The following STXBP5L variants were observed in gnomAD, a reference collection of about 807,000 sequenced individuals.
The protein encoded by STXBP5L is syntaxin binding protein 5L.
Under a neutral mutation model 144.5 loss-of-function variants are expected in STXBP5L, and 65 were observed. That is an observed-to-expected ratio of 0.45 (90% CI 0.37 to 0.55). STXBP5L has a LOEUF of 0.55. Ranked by LOEUF, STXBP5L falls within the 20% of genes least tolerant of loss-of-function variation. The pLI is 0.00. For synonymous variants in STXBP5L, 505 were observed against 469.6 expected (o/e 1.08, Z -0.97); for missense variants, 1,298 against 1,405.5 (o/e 0.92, Z 1.22).
chr3:121,299,165 G>A (rs1425105773), intron 19 of STXBP5L, among the ~76,000 whole-genome samples: 1 of 152,016 alleles, frequency 6.6e-6, no homozygotes, highest in African/African-American at 2.4e-5. Flanking sequence ...TCAAAAGCAA[G>A]TTTCATGAAA....
chr3:121,064,996 T>TCTC (rs1432029890), intron 5 of STXBP5L, among the ~76,000 whole-genome samples: 2 of 152,214 alleles, frequency 1.3e-5, no homozygotes, highest in East Asian at 3.8e-4. Context: ...ACATATAGTA[T>TCTC]TGTTTTCTGT....
At chr3:121,240,571 A>T in intron 14 of STXBP5L, 64 bp downstream of exon 14, 1 of 1,457,946 alleles carries the variant, frequency 6.9e-7, no homozygotes. Context: ...GAGTCTTGAT[A>T]CTTTTCCATA....
intron 3 of STXBP5L, among the ~76,000 whole-genome samples, chr3:120,968,791 CAT>C (rs569550688): frequency 1.3e-3 from 202 of 152,216 alleles, no homozygotes; most frequent in Admixed American, 3.4e-3. Context: ...TCACTTAAAA[CAT>C]ATGATATTTG....
chr3:121,199,089 A>C (rs565974935), intron 9 of STXBP5L, among the ~76,000 whole-genome samples: 1 of 152,284 alleles, frequency 6.6e-6, no homozygotes, highest in African/African-American at 2.4e-5. Flanking sequence ...TGGCCATTTC[A>C]CAATATTGAT....
intron 2 of STXBP5L, among the ~76,000 whole-genome samples, chr3:120,950,483 GT>G (rs1711143450): frequency 6.6e-6 from 1 of 152,028 alleles, no homozygotes; most frequent in African/African-American, 2.4e-5. Context: ...TTTCAAGATT[GT>G]TTTGTTATTA....
intron 11 of STXBP5L, among the ~76,000 whole-genome samples, chr3:121,224,087 G>A (rs1036961723): frequency 1.2e-4 from 18 of 152,118 alleles, no homozygotes; most frequent in African/African-American, 4.3e-4. Context: ...AAGAGCACTG[G>A]ACTTGGGGAC....
At chr3:120,926,982 C>T (rs556811743) in intron 2 of STXBP5L, among the ~76,000 whole-genome samples, 1 of 148,184 alleles carries the variant, frequency 6.7e-6, no homozygotes, top group Admixed American at 6.8e-5. Flanking sequence ...GTCACCCAGA[C>T]TGGAGTGCAG....
chr3:121,385,098 C>A (rs909299530), intron 22 of STXBP5L, among the ~76,000 whole-genome samples: 1 of 152,044 alleles, frequency 6.6e-6, no homozygotes, highest in African/African-American at 2.4e-5. Flanking sequence ...AGTCAAGATT[C>A]TCCAGAATAA....
chr3:121,241,389 A>G (rs2049662573), intron 14 of STXBP5L, among the ~76,000 whole-genome samples: 1 of 147,312 alleles, frequency 6.8e-6, no homozygotes, highest in Non-Finnish European at 1.5e-5. Flanking sequence ...ACACACACAC[A>G]CACACACACA....
intron 20 of STXBP5L, among the ~76,000 whole-genome samples, chr3:121,351,721 T>C (rs574379478): frequency 2.5e-4 from 38 of 152,308 alleles, no homozygotes; most frequent in African/African-American, 9.1e-4. Flanking sequence ...ATTTTGGCTT[T>C]TGTTGCCATT....
chr3:120,925,247 C>T (rs546031627), intron 2 of STXBP5L: 2 of 152,236 alleles, frequency 1.3e-5, no homozygotes, highest in South Asian at 2.1e-4. Flanking sequence ...GGAGCAGCCT[C>T]GAGTGGGTTG....
chr3:120,962,884 A>G (rs1939036540), intron 3 of STXBP5L, among the ~76,000 whole-genome samples: 1 of 152,142 alleles, frequency 6.6e-6, no homozygotes, highest in South Asian at 2.1e-4. Flanking sequence ...CATTTTCACT[A>G]TATTGATTCT....
chr3:121,376,866 A>G (rs1355244441), intron 20 of STXBP5L, among the ~76,000 whole-genome samples: 1 of 152,092 alleles, frequency 6.6e-6, no homozygotes, highest in Non-Finnish European at 1.5e-5. Context: ...ATGAGCATGG[A>G]ATGTTTTTCC....
At chr3:121,370,618 C>T (rs1328980883) in intron 20 of STXBP5L, among the ~76,000 whole-genome samples, 2 of 152,218 alleles carry the variant, frequency 1.3e-5, no homozygotes, top group Admixed American at 1.3e-4. Context: ...TGCTTCCATT[C>T]TCTCCATCAG....
At chr3:121,291,586 G>A (rs961971522) in intron 19 of STXBP5L, among the ~76,000 whole-genome samples, 12 of 152,000 alleles carry the variant, frequency 7.9e-5, no homozygotes, top group Admixed American at 7.9e-4. Flanking sequence ...TACCAAAAAA[G>A]CCCACATTGT....
intron 23 of STXBP5L, among the ~76,000 whole-genome samples, chr3:121,411,764 AGAGT>A (rs1276803670): frequency 1.3e-5 from 2 of 152,098 alleles, no homozygotes; most frequent in South Asian, 2.1e-4. Flanking sequence ...TCCTGTGTAT[AGAGT>A]GAGTAAAGGA....
chr3:121,132,643 A>G (rs1208837485), intron 7 of STXBP5L, among the ~76,000 whole-genome samples: 1 of 152,212 alleles, frequency 6.6e-6, no homozygotes, highest in Non-Finnish European at 1.5e-5. Context: ...ATTTAAACAA[A>G]GAATAAGATA....
chr3:121,382,113 T>A (rs550861154), intron 22 of STXBP5L, among the ~76,000 whole-genome samples: 292 of 152,112 alleles, frequency 1.9e-3, no homozygotes, highest in South Asian at 3.1e-3. Flanking sequence ...CTTTTTTTTT[T>A]GAAGAAGAGA....
intron 3 of STXBP5L, among the ~76,000 whole-genome samples, chr3:120,999,225 G>T (rs1184559608): frequency 1.3e-5 from 2 of 152,126 alleles, no homozygotes; most frequent in East Asian, 3.9e-4. Context: ...GCTAATTTTT[G>T]TATTTTTAGT....
Sources: allele counts gnomAD v4.1 joint callset (sites outside exome capture counted in the v4.1 genomes callset), GRCh38; gene constraint gnomAD v4.1.1; transcripts MANE v1.5; gene names NCBI Gene and HGNC (gene_info 2026-07-23, HGNC 2026-07-21).